OR2H1: variants seen among roughly 807,000 people sequenced by gnomAD.
The protein encoded by OR2H1 is olfactory receptor 2H1.
For missense variants in OR2H1, 380 were observed against 367.3 expected (o/e 1.03, Z -0.28); for synonymous variants, 155 against 155.2 (o/e 1.00, Z 0.01).
chr6:29,457,937 A>G (rs140416073), intron 1 of OR2H1, among the ~76,000 whole-genome samples: 13 of 152,244 alleles, frequency 8.5e-5, no homozygotes, highest in African/African-American at 3.1e-4. Context: ...GCTGTGGCCA[A>G]TTAGCTGTCT....
At chr6:29,459,254 G>C (rs577602205) in intron 2 of OR2H1, among the ~76,000 whole-genome samples, 2 of 152,250 alleles carry the variant, frequency 1.3e-5, no homozygotes, top group Non-Finnish European at 2.9e-5. Context: ...AAAATAATCA[G>C]AATAGTGTTT....
At position 29,462,843 on chromosome 6, in the gene OR2H1, A is replaced by G. The variant is rs1787491664; in HGVS notation, c.*123A>G. ...GGGTCACAGTGTGGCTATGTTATCTATGAGAGGGAGAATGAGAAAGAGAGG... is the reference window on the plus strand; with the variant it reads ...GGGTCACAGTGTGGCTATGTTATCTGTGAGAGGGAGAATGAGAAAGAGAGG... On this transcript the variant is annotated 3_prime_UTR_variant, in exon 4 of 4. Transcript: ENST00000377133. 1 of 678,184 alleles carries G rather than the reference A, an allele frequency of 1.5e-6. No homozygotes were observed. Among genetic ancestry groups the G allele is most frequent in the South Asian group, 2.0e-5 (1 of 50,328 alleles). The allele number at this position is 678,184 out of a possible 1,614,324, so 42.0% of individuals were successfully genotyped here.
chr6:29,459,513 A>G (rs1786961472), intron 2 of OR2H1, among the ~76,000 whole-genome samples: 1 of 152,202 alleles, frequency 6.6e-6, no homozygotes, highest in Non-Finnish European at 1.5e-5. Flanking sequence ...GAAGGAGACA[A>G]AAAGGAGGGA....
Position 29,463,833 on chromosome 6 carries a change from C to G in OR2H1, c.*1113C>G, listed in dbSNP as rs1787611978. The G allele has an allele frequency of 6.0e-6, 1 of 167,064 alleles. No homozygotes were observed. Among genetic ancestry groups the G allele is most frequent in the Non-Finnish European group, 1.5e-5 (1 of 68,134 alleles). 10.3% of individuals were successfully genotyped at this position (167,064 alleles called of 1,614,324 possible). On this transcript the variant is annotated 3_prime_UTR_variant, in exon 4 of 4. Transcript: ENST00000377133. ...TCTGATTATAGAAGGTGACTTCTTG[C>G]TGTGCCCACACATGGTGAAAGGGAC...
chr6:29,461,930 A>G lies in OR2H1; in HGVS notation c.161A>G (p.His54Arg), dbSNP rs1471170767. 25 of 1,612,232 alleles carry G rather than the reference A, an allele frequency of 1.6e-5. No homozygotes were observed. Among genetic ancestry groups the G allele is most frequent in the Non-Finnish European group, 1.9e-5 (23 of 1,179,826 alleles). ...CTGTCTGTACTGTACCCCAGGCTCCACTCTCCAATGTACTTTTTCCTCTCT... is the reference window on the plus strand; with the variant it reads ...CTGTCTGTACTGTACCCCAGGCTCCGCTCTCCAATGTACTTTTTCCTCTCT... ...ILLSVLYPRL[H>R]SPMYFFLSDL... The change falls in exon 4 of 4, where the codon CAC becomes CGC. Residue 54 changes from histidine (H) to arginine (R), a missense_variant. Physicochemically the swap from His to Arg is conservative, Grantham distance 29 (BLOSUM62 0). Coordinates refer to ENST00000377133, the MANE Select transcript of OR2H1 (RefSeq NM_030883.5).
Position 29,461,768 on chromosome 6 carries a change from C to A in OR2H1, c.-2C>A, listed in dbSNP as rs1442817412. ...CCCTCCAGGTACAAACAAGAACAGGCCATGGTTAACCAAAGCTCCCCCATG... is the reference window on the plus strand; with the variant it reads ...CCCTCCAGGTACAAACAAGAACAGGACATGGTTAACCAAAGCTCCCCCATG... On this transcript the variant is annotated 5_prime_UTR_variant, in exon 4 of 4. Coordinates refer to ENST00000377133, the MANE Select transcript of OR2H1 (RefSeq NM_030883.5). 6.2e-7 allele frequency: 1 copy of A among 1,609,648 alleles called. No homozygotes were observed. The highest frequency in any genetic ancestry group is 8.5e-7 in the Non-Finnish European group (1 of 1,177,778).
At position 29,463,362 on chromosome 6, in the gene OR2H1, A is replaced by G. The variant is rs986965626; in HGVS notation, c.*642A>G. 1 of 167,816 alleles carries G rather than the reference A, an allele frequency of 6.0e-6. No individual in the cohort carries two copies. 10.4% of individuals were successfully genotyped at this position (167,816 alleles called of 1,614,324 possible). On this transcript the variant is annotated 3_prime_UTR_variant, in exon 4 of 4. Coordinates refer to ENST00000377133, the MANE Select transcript of OR2H1 (RefSeq NM_030883.5). ...ACCCTTTAGGATATAGCTGAAGAAT[A>G]TAATGAGGAATAGCTGGATTCTAGA...
chr6:29,459,447 T>C (rs1411013157), intron 2 of OR2H1, among the ~76,000 whole-genome samples: 1 of 152,104 alleles, frequency 6.6e-6, no homozygotes, highest in South Asian at 2.1e-4. Context: ...TTTTAAAAAA[T>C]TAAGGGAACA....
chr6:29,463,409 T>C lies in OR2H1; in HGVS notation c.*689T>C, dbSNP rs1039569384. ...TAGAACTGACTCCTCACCAGTGGTA[T>C]ATTCCACAACAGTGTCACAGTCGTC... is the stretch of plus-strand genomic sequence containing the variant. On this transcript the variant is annotated 3_prime_UTR_variant, in exon 4 of 4. Transcript: ENST00000377133. 1 of 167,312 alleles carries C rather than the reference T, an allele frequency of 6.0e-6. No homozygotes were observed. The highest frequency in any genetic ancestry group is 2.4e-5 in the African/African-American group (1 of 41,480). 10.4% of individuals were successfully genotyped at this position (167,312 alleles called of 1,614,324 possible).
chr6:29,461,893 C>T lies in OR2H1; in HGVS notation c.124C>T (p.Leu42Phe). 6.2e-7 allele frequency: 1 copy of T among 1,613,086 alleles called. No homozygotes were observed. ...CCTCTTGACCCTGGTGGGCAACACA[C>T]TCATCATCCTGCTGTCTGTACTGTA... is the stretch of plus-strand genomic sequence containing the variant. Reference protein sequence around the residue: ...SYLLTLVGNTLIILLSVLYPR... With the variant: ...SYLLTLVGNTFIILLSVLYPR... The change falls in exon 4 of 4, where the codon CTC becomes TTC. Residue 42 changes from leucine to phenylalanine, a missense_variant. Physicochemically the swap from Leu to Phe is conservative, Grantham distance 22. Coordinates refer to ENST00000377133, the MANE Select transcript of OR2H1 (RefSeq NM_030883.5).
chr6:29,457,724 A>AG (rs1455527963), intron 1 of OR2H1, among the ~76,000 whole-genome samples: 3 of 152,224 alleles, frequency 2.0e-5, no homozygotes, highest in African/African-American at 4.8e-5. Flanking sequence ...AACCAAAGTC[A>AG]GGGGGGATTG....
At position 29,462,792 on chromosome 6, in the gene OR2H1, C is replaced by T; in HGVS notation, c.*72C>T. 2.8e-6 allele frequency: 3 copies of T among 1,073,606 alleles called. No homozygotes were observed. Among genetic ancestry groups the T allele is most frequent in the East Asian group, 2.6e-5 (1 of 39,172 alleles). 66.5% of individuals were successfully genotyped at this position (1,073,606 alleles called of 1,614,324 possible). Reference sequence around the variant, plus strand: ...TTAAGTTTTCCAGACTACTACCCTTCCCACATACACCTGAGCCACTGTGGT... The same window carrying T: ...TTAAGTTTTCCAGACTACTACCCTTTCCACATACACCTGAGCCACTGTGGT... On this transcript the variant is annotated 3_prime_UTR_variant, in exon 4 of 4. Coordinates refer to ENST00000377133, the MANE Select transcript of OR2H1 (RefSeq NM_030883.5).
At position 29,458,551 on chromosome 6, in the gene OR2H1, G is replaced by T. The variant is rs1276978267; in HGVS notation, c.-345G>T. The T allele has an allele frequency of 6.6e-6, 1 of 152,280 alleles. No homozygotes were observed. The highest frequency in any genetic ancestry group is 2.4e-5 in the African/African-American group (1 of 41,462). 9.4% of individuals were successfully genotyped at this position (152,280 alleles called of 1,614,324 possible). On this transcript the variant is annotated 5_prime_UTR_variant, in exon 2 of 4. Transcript: ENST00000377133. ...AGCTGTGGCAGCAAGGCCGTGAAGAGAGTCTGACTTAATTGCAAGTAAGTC... is the reference window on the plus strand; with the variant it reads ...AGCTGTGGCAGCAAGGCCGTGAAGATAGTCTGACTTAATTGCAAGTAAGTC...
intron 2 of OR2H1, among the ~76,000 whole-genome samples, chr6:29,459,010 C>A (rs560189948): frequency 4.0e-4 from 61 of 151,404 alleles, no homozygotes; most frequent in Non-Finnish European, 7.1e-4. Flanking sequence ...GAGAAAAGGA[C>A]CAGAAGAAAC....
At position 29,457,583 on chromosome 6, in the gene OR2H1, T is replaced by C. The variant is rs532759344; in HGVS notation, c.-443+376T>C. ...GATGAAATTTCTGGAGTGATGGAAA[T>C]GTTCTATATCTTCAGTAGGGTAATG... On this transcript the variant is annotated intron_variant, in intron 1 of 3. Coordinates refer to ENST00000377133, the MANE Select transcript of OR2H1 (RefSeq NM_030883.5). 5.3e-5 allele frequency among the ~76,000 whole-genome samples: 8 copies of C among 152,310 alleles called. No homozygotes were observed. The East Asian group carries it at 1.5e-3, about 29-fold the overall frequency.
chr6:29,461,811 C>T lies in OR2H1; in HGVS notation c.42C>T (p.Gly14=), dbSNP rs1787293734. ...CCCCCATGGGCTTCCTCCTTCTGGGCTTCTCTGAACACCCAGCACTGGAAA... is the reference window on the plus strand; with the variant it reads ...CCCCCATGGGCTTCCTCCTTCTGGGTTTCTCTGAACACCCAGCACTGGAAA... ...QSSPMGFLLL[G]FSEHPALERT... The change falls in exon 4 of 4, where the codon GGC becomes GGT. Residue 14 remains glycine, a synonymous_variant. Transcript: ENST00000377133. 31 of 1,613,032 alleles carry T rather than the reference C, an allele frequency of 1.9e-5. No homozygotes were observed. Among genetic ancestry groups the T allele is most frequent in the Non-Finnish European group, 2.6e-5 (31 of 1,179,994 alleles).
At chr6:29,458,878 A>T (rs1449027661) in intron 2 of OR2H1, among the ~76,000 whole-genome samples, 1 of 152,204 alleles carries the variant, frequency 6.6e-6, no homozygotes. Flanking sequence ...AATTTGTCTC[A>T]TAACTTTGTA....
chr6:29,457,807 T>G (rs9257863), intron 1 of OR2H1, among the ~76,000 whole-genome samples: 20,236 of 152,102 alleles, frequency 0.13, 1,530 homozygotes, highest in East Asian at 0.23. Flanking sequence ...CAGGAGAGAA[T>G]AGTGCCCTTT....
rs771905416 is a variant in OR2H1, at chr6:29,463,450, C to T, written c.*730C>T. The T allele has an allele frequency of 3.0e-5, 5 of 167,044 alleles. No individual in the cohort carries two copies. Among genetic ancestry groups the T allele is most frequent in the Non-Finnish European group, 7.3e-5 (5 of 68,138 alleles). The allele number at this position is 167,044 out of a possible 1,614,324, so 10.3% of individuals were successfully genotyped here. ...CACAGTCGTCTGGCCCCTTTGGTTT[C>T]CGTGTCATCCTTTTTGGTGTGTAGG... On this transcript the variant is annotated 3_prime_UTR_variant, in exon 4 of 4. Coordinates refer to ENST00000377133, the MANE Select transcript of OR2H1 (RefSeq NM_030883.5).
Sources: gnomAD v4.1 joint callset for allele counts (sites outside exome capture counted in the v4.1 genomes callset) on GRCh38, gnomAD v4.1.1 for gene constraint, MANE v1.5 for transcripts, NCBI Gene and HGNC (gene_info 2026-07-23, HGNC 2026-07-21) for gene names.